Variants in STX3 observed in about 807,000 individuals in gnomAD.
STX3 encodes the protein syntaxin 3.
STX3 carries 19 observed loss-of-function variants against 40.2 expected under a neutral mutation model. The ratio of observed to expected loss-of-function variants is 0.47; its 90% CI spans 0.33 to 0.69. STX3 has a LOEUF of 0.69. Among genes scored for constraint, STX3 ranks in the 30% least tolerant of loss-of-function variants. STX3 has a pLI of 0.02. For missense variants in STX3, 364 were observed against 366.7 expected (o/e 0.99, Z 0.06); for synonymous variants, 122 against 132.2 (o/e 0.92, Z 0.53).
chr11:59,762,514 G>A (rs992429921), intron 1 of STX3, among the ~76,000 whole-genome samples: 2 of 152,198 alleles, frequency 1.3e-5, no homozygotes, highest in African/African-American at 4.8e-5. Flanking sequence ...TGAAGGTTGC[G>A]CGTTGTCACT....
chr11:59,797,808 A>C (rs1865611559), intron 10 of STX3, among the ~76,000 whole-genome samples: 1 of 152,206 alleles, frequency 6.6e-6, no homozygotes, highest in East Asian at 1.9e-4. Context: ...TTTTCAATGT[A>C]AATGAAACTC....
rs541914032 is a variant in STX3 at position 59,755,726 on chromosome 11, G to T, written c.30+91G>T. The T allele has an allele frequency of 2.0e-5, 28 of 1,423,354 alleles. No homozygotes were observed. The African/African-American group carries it at 3.1e-4, about 16-fold the overall frequency. The allele number at this position is 1,423,354 out of a possible 1,614,324, so 88.2% of individuals were successfully genotyped here. On this transcript the variant is annotated intron_variant, in intron 1 of 10. Coordinates refer to ENST00000337979, the MANE Select transcript of STX3 (RefSeq NM_004177.5). ...CTCCCCAAGTCGAGGCTGGAGGGGG[G>T]CCCGAGCCGGAGGCTTGCCCTCCCC...
At chr11:59,798,627 C>T (rs567867189) in intron 10 of STX3, among the ~76,000 whole-genome samples, 1 of 152,096 alleles carries the variant, frequency 6.6e-6, no homozygotes, top group African/African-American at 2.4e-5. Context: ...TCAAGCGATT[C>T]TCCTGCCTCA....
intron 1 of STX3, among the ~76,000 whole-genome samples, chr11:59,761,656 G>A (rs1863044083): frequency 6.6e-6 from 1 of 152,086 alleles, no homozygotes; most frequent in Non-Finnish European, 1.5e-5. Flanking sequence ...CTCTCTCAGG[G>A]TAGCCTGCTT....
Position 59,804,209 on chromosome 11 carries a change from G to GT in STX3, c.*3386dup, listed in dbSNP as rs1357669940. The GT allele has an allele frequency of 6.6e-6, 1 of 152,214 alleles. No individual in the cohort carries two copies. 9.4% of individuals were successfully genotyped at this position (152,214 alleles called of 1,614,324 possible). On this transcript the variant is annotated 3_prime_UTR_variant, in exon 11 of 11. Transcript: ENST00000337979. ...TCAACAGGATCTTACTTGAACTGCT[G>GT]TGAGTTGGTCAAGTCAGGGCACTTC...
At chr11:59,778,923 C>G (rs952063620) in intron 2 of STX3, among the ~76,000 whole-genome samples, 1 of 149,390 alleles carries the variant, frequency 6.7e-6, no homozygotes, top group Non-Finnish European at 1.5e-5. Flanking sequence ...CAGCCTCCGC[C>G]TCCTCCTGGG....
chr11:59,799,692 C>T (rs926812824), intron 10 of STX3: 17 of 985,202 alleles, frequency 1.7e-5, no homozygotes, highest in Non-Finnish European at 1.9e-5. Flanking sequence ...CTTCTTATTC[C>T]TCCTCCTTCC....
Position 59,755,615 on chromosome 11 carries a change from C to A in STX3, c.10C>A (p.Arg4Ser). ...GCGCCTGGGCTTCAGGATGAAGGACCGTCTGGAGCAGCTGAAGGCCGTGAG... is the reference window on the plus strand; with the variant it reads ...GCGCCTGGGCTTCAGGATGAAGGACAGTCTGGAGCAGCTGAAGGCCGTGAG... MKDRLEQLKAKQLT... is the reference protein window; with the variant it reads MKDSLEQLKAKQLT... The change falls in exon 1 of 11, where the codon CGT (arginine) becomes AGT (serine). Residue 4 changes from arginine to serine, a missense_variant. Arg to Ser is a moderately radical substitution (Grantham distance 110). Transcript: ENST00000337979. 6.3e-7 allele frequency: 1 copy of A among 1,594,786 alleles called. No homozygotes were observed. Among genetic ancestry groups the A allele is most frequent in the African/African-American group, 1.3e-5 (1 of 74,312 alleles).
In STX3 at chr11:59,759,627, G is replaced by A. The variant is rs114602491; in HGVS notation, c.30+3992G>A. Among the ~76,000 whole-genome samples the A allele has an allele frequency of 4.8e-3, 732 of 152,294 alleles. 7 individuals are homozygous for A. The highest frequency in any genetic ancestry group is 0.017 in the African/African-American group (699 of 41,552). ...GGATCTGTAGAGGACTGGAAATGAC[G>A]TGGATGTAATGGCCCTTCAAAGACC... On this transcript the variant is annotated intron_variant, in intron 1 of 10. Coordinates refer to ENST00000337979, the MANE Select transcript of STX3 (RefSeq NM_004177.5).
At chr11:59,795,328 A>G (rs766500428) in intron 8 of STX3, 44 bp from the exon 9 acceptor site, 10 of 1,530,738 alleles carry the variant, frequency 6.5e-6, no homozygotes, top group Admixed American at 1.8e-5. Context: ...GCTAGGACTG[A>G]CCTGAGACGT....
chr11:59,755,550 C>G lies in STX3; in HGVS notation c.-56C>G. 1 of 1,577,810 alleles carries G rather than the reference C, an allele frequency of 6.3e-7. No individual in the cohort carries two copies. Among genetic ancestry groups the G allele is most frequent in the African/African-American group, 1.4e-5 (1 of 73,326 alleles). On this transcript the variant is annotated 5_prime_UTR_variant, in exon 1 of 11. Transcript: ENST00000337979. Reference sequence around the variant, plus strand: ...CGGCAGCTCACCTGGGAAGCGCTCACCTGGGACGCGCTCACCTGGGACGCG... The same window carrying G: ...CGGCAGCTCACCTGGGAAGCGCTCAGCTGGGACGCGCTCACCTGGGACGCG...
chr11:59,770,080 G>A (rs963719544), intron 1 of STX3, among the ~76,000 whole-genome samples: 13 of 149,498 alleles, frequency 8.7e-5, no homozygotes, highest in Non-Finnish European at 1.8e-4. Context: ...TAGAGTGGGT[G>A]TTGGGTGTTT....
intron 1 of STX3, among the ~76,000 whole-genome samples, chr11:59,770,729 G>A (rs147027623): frequency 6.6e-6 from 1 of 152,266 alleles, no homozygotes; most frequent in African/African-American, 2.4e-5. Flanking sequence ...GTTACAGGGT[G>A]AGCGCTCAGG....
chr11:59,792,237 T>G, intron 6 of STX3, 22 bp downstream of exon 6: 1 of 1,603,460 alleles, frequency 6.2e-7, no homozygotes, highest in Non-Finnish European at 8.5e-7. Context: ...AGGTTTGGCG[T>G]GTGCCCTCCA....
At chr11:59,787,944 G>A (rs1416331040) in intron 3 of STX3, among the ~76,000 whole-genome samples, 1 of 152,188 alleles carries the variant, frequency 6.6e-6, no homozygotes, top group East Asian at 1.9e-4. Flanking sequence ...GAACACTTTA[G>A]CAGAGCATAT....
At position 59,800,992 on chromosome 11, in the gene STX3, T is replaced by A; in HGVS notation, c.*168T>A. 6.5e-7 allele frequency: 1 copy of A among 1,530,610 alleles called. No individual in the cohort carries two copies. The allele number at this position is 1,530,610 out of a possible 1,614,324, so 94.8% of individuals were successfully genotyped here. A position where few individuals can be genotyped will look rare whatever the true frequency, so the allele number is the denominator to read the frequency against. ...CCCTTGGACCTGACTCAGCTAACAA[T>A]CTAGCCCTGGGGGAATGTGATCTAC... On this transcript the variant is annotated 3_prime_UTR_variant, in exon 11 of 11. Coordinates refer to ENST00000337979, the MANE Select transcript of STX3 (RefSeq NM_004177.5).
At chr11:59,756,355 A>G (rs1226127720) in intron 1 of STX3, among the ~76,000 whole-genome samples, 1 of 152,224 alleles carries the variant, frequency 6.6e-6, no homozygotes, top group East Asian at 1.9e-4. Context: ...AGCTGATACA[A>G]TGGAACTTGA....
chr11:59,796,064 C>T (rs1181322561), intron 9 of STX3, among the ~76,000 whole-genome samples: 1 of 152,216 alleles, frequency 6.6e-6, no homozygotes, highest in Non-Finnish European at 1.5e-5. Flanking sequence ...CATTGTCTTC[C>T]ACTCCAGGCG....
intron 3 of STX3, among the ~76,000 whole-genome samples, chr11:59,788,026 G>A (rs956893438): frequency 3.3e-5 from 5 of 152,088 alleles, no homozygotes; most frequent in African/African-American, 1.2e-4. Context: ...TGCTTCCCAC[G>A]CTTCAGCCAG....
Sources: allele counts gnomAD v4.1 joint callset (sites outside exome capture counted in the v4.1 genomes callset), GRCh38; gene constraint gnomAD v4.1.1; transcripts MANE v1.5; gene names NCBI Gene and HGNC (gene_info 2026-07-23, HGNC 2026-07-21).